The following ULK4 variants were observed in gnomAD, a reference collection of about 807,000 sequenced individuals.
The protein encoded by ULK4 is inactive serine/threonine-protein kinase ULK4.
Under a neutral mutation model 160.6 loss-of-function variants are expected in ULK4, and 133 were observed. The observed-to-expected ratio is 0.83, with a 90% confidence interval of 0.72 to 0.96. ULK4 has a LOEUF of 0.96. Among genes scored for constraint, ULK4 ranks in the 40% least tolerant of loss-of-function variants. The pLI is 0.00. For missense variants in ULK4, 1,580 were observed against 1,499.5 expected, an observed-to-expected ratio of 1.05 and a Z score of -0.89; for synonymous variants, 534 against 539.8, an observed-to-expected ratio of 0.99 and a Z score of 0.15.
intron 35 of ULK4, among the ~76,000 whole-genome samples, chr3:41,308,282 A>C (rs548965546): frequency 1.1e-3 from 168 of 152,274 alleles, no homozygotes; most frequent in Admixed American, 2.2e-3. Context: ...CTGGAAGAAT[A>C]AAAAATAAAA....
chr3:41,642,238 T>A (rs1352143310), intron 30 of ULK4, among the ~76,000 whole-genome samples: 1 of 152,146 alleles, frequency 6.6e-6, no homozygotes, highest in African/African-American at 2.4e-5. Flanking sequence ...GTGCACAACG[T>A]GCAGGTTTGT....
chr3:41,384,012 T>C (rs181089638), intron 35 of ULK4, among the ~76,000 whole-genome samples: 32 of 152,210 alleles, frequency 2.1e-4, no homozygotes, highest in Admixed American at 6.5e-4. Context: ...ATGTGGGAAA[T>C]AGGAGAATAT....
chr3:41,267,832 G>C (rs1459218067), intron 35 of ULK4, among the ~76,000 whole-genome samples: 1 of 152,182 alleles, frequency 6.6e-6, no homozygotes, highest in African/African-American at 2.4e-5. Context: ...TGGTCTTCCT[G>C]ACTTCGAATC....
At chr3:41,257,973 T>C (rs1324157324) in intron 35 of ULK4, among the ~76,000 whole-genome samples, 1 of 152,214 alleles carries the variant, frequency 6.6e-6, no homozygotes, top group African/African-American at 2.4e-5. Context: ...TATACTATGA[T>C]ACCAAACCAT....
At chr3:41,769,195 G>C (rs1402184876) in intron 21 of ULK4, among the ~76,000 whole-genome samples, 1 of 152,124 alleles carries the variant, frequency 6.6e-6, no homozygotes, top group Non-Finnish European at 1.5e-5. Context: ...AACATCTTCT[G>C]CCCTAAATAA....
intron 32 of ULK4, among the ~76,000 whole-genome samples, chr3:41,522,061 C>T (rs1293772843): frequency 4.0e-5 from 6 of 151,842 alleles, no homozygotes; most frequent in Non-Finnish European, 7.4e-5. Context: ...TAGTGTTATA[C>T]GTCCCTCCTT....
intron 21 of ULK4, among the ~76,000 whole-genome samples, chr3:41,786,467 C>T (rs2039999236): frequency 2.0e-5 from 3 of 151,862 alleles, no homozygotes; most frequent in East Asian, 1.9e-4. Context: ...CCAGACATGG[C>T]GGTGCACGCC....
At chr3:41,859,264 G>A (rs1251621346) in intron 17 of ULK4, 4 of 547,816 alleles carry the variant, frequency 7.3e-6, no homozygotes, top group Non-Finnish European at 1.4e-5. Flanking sequence ...AAGAAAGGTG[G>A]TCTGGTTTGG....
At chr3:41,453,718 C>T (rs1487328051) in intron 34 of ULK4, among the ~76,000 whole-genome samples, 5 of 152,196 alleles carry the variant, frequency 3.3e-5, no homozygotes, top group East Asian at 1.9e-4. Context: ...GCATGCAATA[C>T]GGTCTTGCAT....
chr3:41,358,367 A>G (rs77276530), intron 35 of ULK4, among the ~76,000 whole-genome samples: 1,524 of 152,336 alleles, frequency 0.01, 14 homozygotes, highest in African/African-American at 0.027. Context: ...AACAACAGAA[A>G]ATAAACAAGC....
chr3:41,438,215 G>C (rs1447397359), intron 34 of ULK4, among the ~76,000 whole-genome samples: 3 of 151,372 alleles, frequency 2.0e-5, no homozygotes, highest in Non-Finnish European at 4.4e-5. Context: ...TGTTTCTCCA[G>C]CCTCACTTCT....
intron 22 of ULK4, among the ~76,000 whole-genome samples, chr3:41,733,285 A>G (rs1379959929): frequency 6.6e-6 from 1 of 152,110 alleles, no homozygotes; most frequent in Non-Finnish European, 1.5e-5. Flanking sequence ...GTTTAGATAA[A>G]ATTTGCAGTG....
chr3:41,801,961 T>C (rs565448522), intron 19 of ULK4, among the ~76,000 whole-genome samples: 3 of 150,872 alleles, frequency 2.0e-5, no homozygotes, highest in Non-Finnish European at 4.4e-5. Flanking sequence ...ATAATTCTCA[T>C]CAGAAACAAT....
intron 32 of ULK4, among the ~76,000 whole-genome samples, chr3:41,512,469 A>C (rs2085610858): frequency 1.3e-5 from 2 of 152,194 alleles, no homozygotes; most frequent in East Asian, 3.8e-4. Flanking sequence ...ATTCTGCTAT[A>C]TACCTACAGC....
At chr3:41,899,485 G>C (rs2148790320) in intron 13 of ULK4, among the ~76,000 whole-genome samples, 1 of 152,300 alleles carries the variant, frequency 6.6e-6, no homozygotes, top group East Asian at 1.9e-4. Context: ...AAGAAACACA[G>C]AATATTGTCT....
intron 31 of ULK4, among the ~76,000 whole-genome samples, chr3:41,580,952 A>G (rs2030273688): frequency 6.6e-6 from 1 of 152,202 alleles, no homozygotes; most frequent in South Asian, 2.1e-4. Context: ...TCAAATTTTA[A>G]CAATTCCTAA....
intron 21 of ULK4, among the ~76,000 whole-genome samples, chr3:41,758,949 C>T (rs1235871966): frequency 6.6e-6 from 1 of 151,508 alleles, no homozygotes; most frequent in African/African-American, 2.4e-5. Flanking sequence ...ATATCAATTA[C>T]TAATAAAAAA....
chr3:41,732,645 A>C (rs1045575154), intron 22 of ULK4, among the ~76,000 whole-genome samples: 5 of 152,178 alleles, frequency 3.3e-5, no homozygotes, highest in Non-Finnish European at 7.4e-5. Context: ...ATAATTCAAT[A>C]TATCAAAGGA....
At position 41,738,394 on chromosome 3, in the gene ULK4, G is replaced by A. The variant is rs192392166; in HGVS notation, c.2321+15967C>T. 2.0e-3 allele frequency among the ~76,000 whole-genome samples: 311 copies of A among 151,824 alleles called. 6 individuals are homozygous for A. Among genetic ancestry groups the A allele is most frequent in the African/African-American group, 7.2e-3 (298 of 41,206 alleles). On this transcript the variant is annotated intron_variant, in intron 22 of 36. Coordinates refer to ENST00000301831, the MANE Select transcript of ULK4 (RefSeq NM_017886.4). ...GCATGTGTTTGCTGTTGCTCATCAGGGCAAACAGTTCATGTTCACTGCCTT... is the reference window on the plus strand; with the variant it reads ...GCATGTGTTTGCTGTTGCTCATCAGAGCAAACAGTTCATGTTCACTGCCTT...
Sources: allele counts gnomAD v4.1 joint callset (sites outside exome capture counted in the v4.1 genomes callset), GRCh38; gene constraint gnomAD v4.1.1; transcripts MANE v1.5; gene names NCBI Gene and HGNC (gene_info 2026-07-23, HGNC 2026-07-21).